Variants in NBEA observed in about 807,000 individuals in gnomAD.
NBEA encodes the protein neurobeachin, also known as lysosomal-trafficking regulator 2.
A neutral mutation model predicts 343.4 loss-of-function variants in NBEA; 44 were observed. The ratio of observed to expected loss-of-function variants is 0.13; its 90% CI spans 0.10 to 0.16. The LOEUF (loss-of-function observed/expected upper bound fraction) is 0.16. Ranked by LOEUF, NBEA falls within the 10% of genes least tolerant of loss-of-function variation. The probability of loss-of-function intolerance (pLI) is 1.00; values close to 1 mark genes in which losing one functional copy is unlikely to be tolerated. For missense variants in NBEA, 2,555 were observed against 3,631.3 expected (o/e 0.70, Z 7.62); for synonymous variants, 1,175 against 1,238.7 (o/e 0.95, Z 1.08).
rs139683530 is a variant in NBEA at position 35,194,355 on chromosome 13, A to G, written c.4928-1509A>G. On this transcript the variant is annotated intron_variant, in intron 30 of 58. Coordinates refer to ENST00000379939, the MANE Select transcript of NBEA (RefSeq NM_001385012.1). ...TGTCTTGCTGACATCAAGGTAGCCT[A>G]TTTTCCTGTTGGGCAGTTTCCTGGT... Among the ~76,000 whole-genome samples, 1,414 of 152,166 alleles carry G rather than the reference A, an allele frequency of 9.3e-3. 71 individuals carry two copies. Among genetic ancestry groups the G allele is most frequent in the Admixed American group, 0.081 (1,230 of 15,276 alleles).
At chr13:35,116,682 C>T (rs2066507944) in intron 13 of NBEA, among the ~76,000 whole-genome samples, 1 of 151,954 alleles carries the variant, frequency 6.6e-6, no homozygotes, top group African/African-American at 2.4e-5. Context: ...ATACTGGTTG[C>T]TACAAGAAAG....
chr13:35,434,108 G>T (rs1463624510), intron 39 of NBEA, among the ~76,000 whole-genome samples: 1 of 151,860 alleles, frequency 6.6e-6, no homozygotes, highest in African/African-American at 2.4e-5. Context: ...AAAAATGTTT[G>T]TATTTCTTCT....
intron 36 of NBEA, among the ~76,000 whole-genome samples, chr13:35,333,369 T>A (rs2039047301): frequency 6.6e-6 from 1 of 152,064 alleles, no homozygotes. Flanking sequence ...TAGACAAAGA[T>A]GGAGGTAATT....
chr13:35,119,042 CTT>C (rs1238721739), intron 16 of NBEA, among the ~76,000 whole-genome samples: 1 of 152,000 alleles, frequency 6.6e-6, no homozygotes, highest in East Asian at 1.9e-4. Flanking sequence ...AAGATGATGA[CTT>C]GAGACAGTGG....
At chr13:35,320,033 G>A (rs772892998) in intron 36 of NBEA, among the ~76,000 whole-genome samples, 20 of 152,088 alleles carry the variant, frequency 1.3e-4, no homozygotes, top group African/African-American at 3.6e-4. Flanking sequence ...CTGATGGGTC[G>A]TGACTCTTTA....
At position 35,609,437 on chromosome 13, in the gene NBEA, C is replaced by T. The variant is rs1367382899; in HGVS notation, c.7449+2859C>T. ...TTTGAGAAGAAAGTTTTAGGATGAG[C>T]GAAGATTTACTATGATACAGGGAAA... On this transcript the variant is annotated intron_variant, in intron 48 of 58. Coordinates refer to ENST00000379939, the MANE Select transcript of NBEA (RefSeq NM_001385012.1). Among the ~76,000 whole-genome samples the T allele has an allele frequency of 8.5e-5, 13 of 152,158 alleles. 1 individual carries two copies. The highest frequency in any genetic ancestry group is 6.2e-4 in the South Asian group (3 of 4,816).
Position 35,183,973 on chromosome 13 carries a change from C to T in NBEA, c.4832-3C>T. ...AAATTTGATTCCATGATTTTCTCCA[C>T]AGTTGTGGTCATACCATCTATCCCT... On this transcript the variant is annotated splice_region_variant and splice_polypyrimidine_tract_variant and intron_variant, in intron 29 of 58. Transcript: ENST00000379939. 2 of 1,604,946 alleles carry T rather than the reference C, an allele frequency of 1.2e-6. No individual in the cohort carries two copies. The highest frequency in any genetic ancestry group is 1.7e-6 in the Non-Finnish European group (2 of 1,174,222).
At chr13:35,100,899 T>C (rs1334545793) in intron 11 of NBEA, among the ~76,000 whole-genome samples, 1 of 151,980 alleles carries the variant, frequency 6.6e-6, no homozygotes, top group African/African-American at 2.4e-5. Context: ...CATAATTCAC[T>C]TTTTGGCTTT....
chr13:35,364,589 C>T (rs940349773), intron 38 of NBEA, among the ~76,000 whole-genome samples: 2 of 151,640 alleles, frequency 1.3e-5, no homozygotes, highest in African/African-American at 4.8e-5. Context: ...GCAATTAATA[C>T]AAGATTGACA....
chr13:35,248,832 A>C (rs905411435), intron 34 of NBEA, among the ~76,000 whole-genome samples: 4 of 152,152 alleles, frequency 2.6e-5, no homozygotes, highest in Non-Finnish European at 5.9e-5. Context: ...AAAACTGTAA[A>C]ACGCTTGGAA....
At chr13:35,105,201 A>G (rs2065858443) in intron 11 of NBEA, among the ~76,000 whole-genome samples, 1 of 152,046 alleles carries the variant, frequency 6.6e-6, no homozygotes, top group Admixed American at 6.6e-5. Flanking sequence ...TGGAAAATAT[A>G]TACCCAACTT....
In NBEA at chr13:35,598,920, C is replaced by G. The variant is rs565772919; in HGVS notation, c.7296+5473C>G. On this transcript the variant is annotated intron_variant, in intron 47 of 58. Transcript: ENST00000379939. ...TATTGCTTGAAATACTGCTTCAAAA[C>G]TGAACAGTTTCTTCCTGAGTTCATC... 8.5e-5 allele frequency among the ~76,000 whole-genome samples: 13 copies of G among 152,262 alleles called. No individual in the cohort carries two copies. In the East Asian group the frequency reaches 1.9e-3, roughly 23 times the overall value.
At chr13:35,352,403 TAAA>T in intron 38 of NBEA, 80 bp downstream of exon 38, 1 of 726,734 alleles carries the variant, frequency 1.4e-6, no homozygotes, top group Non-Finnish European at 2.0e-6. Flanking sequence ...GCTACAAATT[TAAA>T]AGTCATTTAG....
At chr13:35,657,728 T>C (rs1445908594) in intron 55 of NBEA, among the ~76,000 whole-genome samples, 1 of 152,212 alleles carries the variant, frequency 6.6e-6, no homozygotes, top group African/African-American at 2.4e-5. Flanking sequence ...ATCTTTCATA[T>C]ACATTGATAA....
intron 35 of NBEA, among the ~76,000 whole-genome samples, chr13:35,298,193 G>A (rs1358307218): frequency 7.2e-5 from 1 of 13,960 alleles, no homozygotes; most frequent in African/African-American, 1.2e-4. Context: ...GTGTATGTGT[G>A]TGTGTGTGTG....
chr13:35,098,068 A>G (rs1248187284), intron 10 of NBEA, among the ~76,000 whole-genome samples: 1 of 152,152 alleles, frequency 6.6e-6, no homozygotes, highest in African/African-American at 2.4e-5. Flanking sequence ...AAAAAACTAC[A>G]CAGTTATGAT....
At chr13:35,404,780 A>G (rs573739802) in intron 38 of NBEA, among the ~76,000 whole-genome samples, 2 of 152,186 alleles carry the variant, frequency 1.3e-5, no homozygotes, top group Non-Finnish European at 2.9e-5. Flanking sequence ...AAAAAGAACA[A>G]TACAATGATT....
At chr13:35,403,528 G>C (rs2043099169) in intron 38 of NBEA, among the ~76,000 whole-genome samples, 1 of 152,016 alleles carries the variant, frequency 6.6e-6, no homozygotes, top group Admixed American at 6.6e-5. Flanking sequence ...TTAATAAATG[G>C]TGCTGGGAAA....
intron 39 of NBEA, among the ~76,000 whole-genome samples, chr13:35,445,061 G>C (rs1174864473): frequency 6.6e-6 from 1 of 152,078 alleles, no homozygotes; most frequent in Non-Finnish European, 1.5e-5. Flanking sequence ...CAGCATGGTG[G>C]AAGGAAGAAT....
Sources: gnomAD v4.1 joint callset for allele counts (sites outside exome capture counted in the v4.1 genomes callset) on GRCh38, gnomAD v4.1.1 for gene constraint, MANE v1.5 for transcripts, NCBI Gene and HGNC (gene_info 2026-07-23, HGNC 2026-07-21) for gene names.